The following RGS22 variants were observed in gnomAD, a reference collection of about 807,000 sequenced individuals.
RGS22 encodes regulator of G protein signaling 22.
Under a neutral mutation model 172.9 loss-of-function variants are expected in RGS22, and 148 were observed. The observed-to-expected ratio is 0.86, with a 90% CI of 0.75 to 0.98. The LOEUF is 0.98. Ranked by LOEUF, RGS22 falls within the 50% of genes least tolerant of loss-of-function variation. RGS22 has a pLI of 0.00. For synonymous variants in RGS22, 458 were observed against 480.2 expected (o/e 0.95, Z 0.60); for missense variants, 1,347 against 1,440.8 (o/e 0.93, Z 1.05).
At chr8:99,983,331 G>C (rs1235604165) in intron 21 of RGS22, among the ~76,000 whole-genome samples, 1 of 152,148 alleles carries the variant, frequency 6.6e-6, no homozygotes, top group Non-Finnish European at 1.5e-5. Context: ...GTAATGGGAT[G>C]GCTGGGTCAA....
At chr8:100,105,811 G>T in intron 1 of RGS22, 86 bp downstream of exon 1, 1 of 1,192,318 alleles carries the variant, frequency 8.4e-7, no homozygotes, top group South Asian at 1.4e-5. Context: ...CCGCTAGGAG[G>T]GCAGGAGGTA....
intron 10 of RGS22, among the ~76,000 whole-genome samples, chr8:100,051,827 ATATAAATGTTTATATATTTATATATT>A (rs1821550146): frequency 2.7e-5 from 2 of 73,224 alleles, no homozygotes; most frequent in South Asian, 1.0e-3. Context: ...ATATATTTAT[ATATAAATGTTTATATATTTATATATT>A]TATATATAAA....
rs146878127 is a variant in RGS22 at position 99,974,827 on chromosome 8, A to G, written c.3519+3090T>C. 5.2e-4 allele frequency among the ~76,000 whole-genome samples: 79 copies of G among 151,702 alleles called. No homozygotes were observed. In the East Asian group the frequency reaches 0.015, roughly 28 times the overall value. On this transcript the variant is annotated intron_variant, in intron 23 of 27. Coordinates refer to ENST00000360863, the MANE Select transcript of RGS22 (RefSeq NM_015668.5). The stretch of plus-strand genomic sequence containing the variant: ...AAAAAAAATGGATATAATTATGTAA[A>G]ACAAAAATAAAACCCTATGCATTAA...
chr8:100,076,170 G>T (rs1563705539), intron 4 of RGS22, among the ~76,000 whole-genome samples: 1 of 151,774 alleles, frequency 6.6e-6, no homozygotes, highest in Non-Finnish European at 1.5e-5. Context: ...TCATTCTGTG[G>T]GTTGTCTTTT....
At chr8:99,972,545 A>G (rs1307547860) in intron 23 of RGS22, among the ~76,000 whole-genome samples, 1 of 152,224 alleles carries the variant, frequency 6.6e-6, no homozygotes, top group Non-Finnish European at 1.5e-5. Context: ...GAACTTAAAC[A>G]AATTTACAGG....
At chr8:99,983,880 A>G (rs893722153) in intron 21 of RGS22, among the ~76,000 whole-genome samples, 4 of 152,242 alleles carry the variant, frequency 2.6e-5, no homozygotes, top group Non-Finnish European at 5.9e-5. Context: ...GATGTCTTTC[A>G]TGTAAAACTT....
chr8:99,977,547 C>T (rs1404498588), intron 23 of RGS22, among the ~76,000 whole-genome samples: 1 of 151,976 alleles, frequency 6.6e-6, no homozygotes, highest in Non-Finnish European at 1.5e-5. Flanking sequence ...AGTGTAAGGA[C>T]TTATAAAACA....
chr8:100,033,802 G>T (rs1819125685), intron 14 of RGS22, among the ~76,000 whole-genome samples: 1 of 152,094 alleles, frequency 6.6e-6, no homozygotes, highest in Non-Finnish European at 1.5e-5. Flanking sequence ...ATGCAAGACT[G>T]GTTCAACACA....
chr8:100,072,674 T>G (rs1176780518), intron 4 of RGS22, among the ~76,000 whole-genome samples: 1 of 151,596 alleles, frequency 6.6e-6, no homozygotes, highest in Non-Finnish European at 1.5e-5. Context: ...TAAAAAAATG[T>G]TTTAACTATT....
At chr8:99,971,461 T>A (rs1811333693) in intron 23 of RGS22, among the ~76,000 whole-genome samples, 1 of 152,162 alleles carries the variant, frequency 6.6e-6, no homozygotes, top group Non-Finnish European at 1.5e-5. Context: ...ATGACAGGAT[T>A]GTATATTTAG....
At chr8:100,026,305 G>A (rs950869557) in intron 14 of RGS22, among the ~76,000 whole-genome samples, 14 of 152,162 alleles carry the variant, frequency 9.2e-5, no homozygotes, top group African/African-American at 3.4e-4. Context: ...AGAGGATAAC[G>A]ATAGCAATAA....
chr8:100,073,661 C>T (rs1253737114), intron 4 of RGS22, among the ~76,000 whole-genome samples: 1 of 152,118 alleles, frequency 6.6e-6, no homozygotes, highest in Non-Finnish European at 1.5e-5. Flanking sequence ...CCCACTAGCG[C>T]TACATTCAAT....
At position 100,062,643 on chromosome 8, in the gene RGS22, C is replaced by A; in HGVS notation, c.1462G>T (p.Glu488Ter). ...KLLDGSQWNEEHLRNIQSEVL... is the reference protein window; with the variant it reads ...KLLDGSQWNE Reference sequence around the variant, plus strand: ...TCAGACTGAATATTTCTTAAATGCTCTTCATTCCACTGTGATCCATCTAAC... The same window carrying A: ...TCAGACTGAATATTTCTTAAATGCTATTCATTCCACTGTGATCCATCTAAC... Residue 488 changes from glutamate (E) to a stop codon, truncating the protein, a stop_gained, in exon 9 of 28, where the codon GAG becomes TAG. Coordinates refer to ENST00000360863, the MANE Select transcript of RGS22 (RefSeq NM_015668.5). LOFTEE classifies it high-confidence loss of function. The A allele has an allele frequency of 6.2e-7, 1 of 1,606,226 alleles. No homozygotes were observed. The highest frequency in any genetic ancestry group is 1.1e-5 in the South Asian group (1 of 90,194).
chr8:100,088,762 G>A (rs1210538182), intron 3 of RGS22, among the ~76,000 whole-genome samples: 1 of 151,968 alleles, frequency 6.6e-6, no homozygotes, highest in Non-Finnish European at 1.5e-5. Context: ...GTAGGGGCCA[G>A]AATGCCTGAT....
chr8:100,083,842 T>TG (rs888263296), intron 3 of RGS22, among the ~76,000 whole-genome samples: 4 of 149,954 alleles, frequency 2.7e-5, no homozygotes, highest in East Asian at 2.0e-4. Flanking sequence ...TTTTTTTTTT[T>TG]TTTTTTGTTT....
chr8:99,996,515 T>C lies in RGS22; in HGVS notation c.2965A>G (p.Ile989Val), dbSNP rs1446950156. 1.2e-6 allele frequency: 2 copies of C among 1,613,378 alleles called. No homozygotes were observed. The highest frequency in any genetic ancestry group is 1.7e-6 in the Non-Finnish European group (2 of 1,179,628). The change falls in exon 20 of 28, where the codon ATA (isoleucine) becomes GTA (valine). Residue 989 changes from isoleucine (I) to valine (V), a missense_variant. Coordinates refer to ENST00000360863, the MANE Select transcript of RGS22 (RefSeq NM_015668.5). ...RQKIKVQMKDIAEELLLQKAE... is the reference protein window; with the variant it reads ...RQKIKVQMKDVAEELLLQKAE... ...TTCTGTAGTAAGAGCTCTTCTGCTATGTCTTTCATCTGTACCTGAAAGCAA... is the reference window on the plus strand; with the variant it reads ...TTCTGTAGTAAGAGCTCTTCTGCTACGTCTTTCATCTGTACCTGAAAGCAA...
At position 100,082,326 on chromosome 8, in the gene RGS22, G is replaced by T. The variant is rs143970296; in HGVS notation, c.118-1971C>A. On this transcript the variant is annotated intron_variant, in intron 3 of 27. Coordinates refer to ENST00000360863, the MANE Select transcript of RGS22 (RefSeq NM_015668.5). ...GCATACAGATAATTTTGTCACCCAG[G>T]TAAGCAGCATAACACTCAATAGGTA... Among the ~76,000 whole-genome samples the T allele has an allele frequency of 3.8e-4, 58 of 152,176 alleles. 2 individuals are homozygous for T. Among genetic ancestry groups the T allele is most frequent in the Middle Eastern group, 3.4e-3 (1 of 294 alleles).
At chr8:100,069,108 C>A (rs973757528) in intron 6 of RGS22, among the ~76,000 whole-genome samples, 3 of 151,774 alleles carry the variant, frequency 2.0e-5, no homozygotes, top group Admixed American at 6.6e-5. Context: ...AAATTAATAG[C>A]AGATGCAAAT....
At chr8:100,051,409 A>C (rs1390102595) in intron 10 of RGS22, among the ~76,000 whole-genome samples, 1 of 127,722 alleles carries the variant, frequency 7.8e-6, no homozygotes, top group African/African-American at 3.0e-5. Context: ...ATATATATTT[A>C]TTATATATAT....
Sources: gnomAD v4.1 joint callset for allele counts (sites outside exome capture counted in the v4.1 genomes callset) on GRCh38, gnomAD v4.1.1 for gene constraint, MANE v1.5 for transcripts, NCBI Gene and HGNC (gene_info 2026-07-23, HGNC 2026-07-21) for gene names.